The following USH2A variants were observed in gnomAD, a reference collection of about 807,000 sequenced individuals.
USH2A encodes the protein usherin.
USH2A carries 443 observed loss-of-function variants against 538.9 expected under a neutral mutation model. The observed-to-expected ratio is 0.82, with a 90% CI of 0.76 to 0.89. The LOEUF (loss-of-function observed/expected upper bound fraction) is 0.89. Ranked by LOEUF, USH2A falls within the 40% of genes least tolerant of loss-of-function variation. The pLI, the probability that USH2A is intolerant of heterozygous loss-of-function variation, is 0.00. For missense variants in USH2A, 6,633 were observed against 6,324.8 expected (o/e 1.05, Z -1.65); for synonymous variants, 2,413 against 2,273.5 (o/e 1.06, Z -1.75).
chr1:216,142,983 AAAC>A (rs2033628996), intron 21 of USH2A, among the ~76,000 whole-genome samples: 1 of 152,158 alleles, frequency 6.6e-6, no homozygotes, highest in Non-Finnish European at 1.5e-5. Context: ...ACGCATCTGT[AAAC>A]AGTTATCATG....
intron 38 of USH2A, among the ~76,000 whole-genome samples, chr1:215,923,708 G>A (rs1666160213): frequency 6.6e-6 from 1 of 151,952 alleles, no homozygotes; most frequent in Non-Finnish European, 1.5e-5. Flanking sequence ...GGTATGCTGG[G>A]TGCAAAAATA....
intron 21 of USH2A, among the ~76,000 whole-genome samples, chr1:216,110,603 A>G (rs187042692): frequency 4.1e-4 from 63 of 152,354 alleles, no homozygotes; most frequent in African/African-American, 1.3e-3. Context: ...CTATAGCAGT[A>G]GAAGTATTTG....
chr1:216,394,965 G>A (rs1241765658), intron 3 of USH2A, among the ~76,000 whole-genome samples: 7 of 151,910 alleles, frequency 4.6e-5, no homozygotes, highest in East Asian at 3.9e-4. Flanking sequence ...TGATCCAGCC[G>A]CCTCGGCCTC....
chr1:215,837,731 A>G (rs767880133), intron 47 of USH2A, among the ~76,000 whole-genome samples: 2 of 152,228 alleles, frequency 1.3e-5, no homozygotes, highest in Non-Finnish European at 2.9e-5. Flanking sequence ...TCAAATAAGG[A>G]GACATGTATT....
intron 35 of USH2A, among the ~76,000 whole-genome samples, chr1:215,991,322 C>T (rs1000535143): frequency 6.6e-6 from 1 of 152,046 alleles, no homozygotes; most frequent in Non-Finnish European, 1.5e-5. Context: ...AGACTTTATT[C>T]TTTGGGTATT....
chr1:216,358,281 T>C (rs970992356), intron 4 of USH2A, among the ~76,000 whole-genome samples: 10 of 152,130 alleles, frequency 6.6e-5, no homozygotes, highest in Admixed American at 6.6e-4. Context: ...AAAAGATCCA[T>C]CTTGATCTGC....
intron 30 of USH2A, among the ~76,000 whole-genome samples, chr1:216,067,003 A>G (rs1171968390): frequency 3.9e-5 from 6 of 152,148 alleles, no homozygotes; most frequent in African/African-American, 1.2e-4. Context: ...TCTCCTAAGG[A>G]TTTACATACA....
At chr1:215,724,817 A>G (rs902518279) in intron 61 of USH2A, among the ~76,000 whole-genome samples, 1 of 152,192 alleles carries the variant, frequency 6.6e-6, no homozygotes, top group Admixed American at 6.5e-5. Context: ...TTCAATATTG[A>G]CATATTGAAT....
At chr1:215,720,039 T>G (rs924531705) in intron 61 of USH2A, among the ~76,000 whole-genome samples, 1 of 152,152 alleles carries the variant, frequency 6.6e-6, no homozygotes, top group Non-Finnish European at 1.5e-5. Flanking sequence ...GAGTATGATT[T>G]AGAAAAATAG....
chr1:216,334,232 G>T lies in USH2A; in HGVS notation c.785-6578C>A, dbSNP rs377149505. 9.5e-4 allele frequency among the ~76,000 whole-genome samples: 144 copies of T among 151,946 alleles called. 1 individual carries two copies. The highest frequency in any genetic ancestry group is 3.4e-3 in the African/African-American group (142 of 41,478). ...AGCAGAGTGAACAAAAACTATATAG[G>T]TGCAAAATTTTGCATACTCTTAAAA... On this transcript the variant is annotated intron_variant, in intron 4 of 71. Transcript: ENST00000307340.
At chr1:215,814,162 A>C (rs1662790432) in intron 48 of USH2A, among the ~76,000 whole-genome samples, 1 of 147,362 alleles carries the variant, frequency 6.8e-6, no homozygotes, top group Non-Finnish European at 1.5e-5. Flanking sequence ...ATATGTATTT[A>C]ATTATATAAA....
At chr1:215,716,596 T>C (rs1558067099) in intron 61 of USH2A, among the ~76,000 whole-genome samples, 1 of 152,222 alleles carries the variant, frequency 6.6e-6, no homozygotes, top group African/African-American at 2.4e-5. Flanking sequence ...AAGTAACATG[T>C]ACATCCGTTA....
intron 21 of USH2A, among the ~76,000 whole-genome samples, chr1:216,122,394 G>A (rs1221887218): frequency 6.6e-6 from 1 of 152,142 alleles, no homozygotes; most frequent in Non-Finnish European, 1.5e-5. Context: ...ATAACAATAG[G>A]TGAAACTTGG....
intron 67 of USH2A, among the ~76,000 whole-genome samples, chr1:215,642,877 C>T (rs934846317): frequency 1.3e-5 from 2 of 152,152 alleles, no homozygotes; most frequent in African/African-American, 2.4e-5. Flanking sequence ...ACCTCTCTCT[C>T]CACTGAAGGG....
At chr1:216,072,163 T>C (rs996424620) in intron 29 of USH2A, among the ~76,000 whole-genome samples, 1 of 152,174 alleles carries the variant, frequency 6.6e-6, no homozygotes, top group Non-Finnish European at 1.5e-5. Context: ...ATGTGTTCAG[T>C]TTCCTGACAA....
At chr1:216,005,087 T>C (rs1668362097) in intron 32 of USH2A, among the ~76,000 whole-genome samples, 1 of 152,210 alleles carries the variant, frequency 6.6e-6, no homozygotes. Context: ...AATGAGATCC[T>C]ATTTGATGTA....
chr1:216,283,724 ACC>A (rs2036829113), intron 11 of USH2A, among the ~76,000 whole-genome samples: 1 of 152,218 alleles, frequency 6.6e-6, no homozygotes, highest in Admixed American at 6.5e-5. Context: ...ATCCTTGCAG[ACC>A]ATAAAGACCA....
chr1:216,191,634 T>A (rs187076646), intron 19 of USH2A, among the ~76,000 whole-genome samples: 1 of 151,910 alleles, frequency 6.6e-6, no homozygotes, highest in Admixed American at 6.6e-5. Flanking sequence ...AGATACAAAC[T>A]TTTCTGTGAA....
At chr1:216,373,660 C>A (rs1284863608) in intron 3 of USH2A, among the ~76,000 whole-genome samples, 1 of 152,108 alleles carries the variant, frequency 6.6e-6, no homozygotes, top group African/African-American at 2.4e-5. Context: ...ATTCGTATAT[C>A]ATTACCATTT....
Sources: allele counts gnomAD v4.1 joint callset (sites outside exome capture counted in the v4.1 genomes callset), GRCh38; gene constraint gnomAD v4.1.1; transcripts MANE v1.5; gene names NCBI Gene and HGNC (gene_info 2026-07-23, HGNC 2026-07-21).